The following NOP14 variants were observed in gnomAD, a reference collection of about 807,000 sequenced individuals.
NOP14 encodes NOP14 nucleolar protein.
A neutral mutation model predicts 101.6 loss-of-function variants in NOP14; 57 were observed. That is an observed-to-expected ratio of 0.56 (90% CI 0.45 to 0.70). NOP14 has a LOEUF of 0.70. Among genes scored for constraint, NOP14 ranks in the 30% least tolerant of loss-of-function variants. The pLI, the probability that NOP14 is intolerant of heterozygous loss-of-function variation, is 0.00. For synonymous variants in NOP14, 428 were observed against 424.0 expected (o/e 1.01, Z -0.12); for missense variants, 1,134 against 1,075.5 (o/e 1.05, Z -0.76).
chr4:2,941,645 C>T lies in NOP14; in HGVS notation c.2136G>A (p.Met712Ile). The T allele has an allele frequency of 5.0e-6, 8 of 1,613,536 alleles. No homozygotes were observed. Among genetic ancestry groups the T allele is most frequent in the Non-Finnish European group, 6.8e-6 (8 of 1,179,960 alleles). ...YGSLPSFHAI[M>I]GPLQALLTDH... ...CCGTGAGGAGGGCTTGGAGAGGCCC[C>T]ATGATGGCGTGGAAGGATGGCAGGG... is the stretch of plus-strand genomic sequence containing the variant. The change falls in exon 15 of 18, where the codon ATG becomes ATA. Residue 712 changes from methionine to isoleucine, a missense_variant. Transcript: ENST00000416614.
At chr4:2,950,259 A>T (rs1013726968) in intron 7 of NOP14, 46 bp from the exon 8 acceptor site, 2 of 1,594,824 alleles carry the variant, frequency 1.3e-6, no homozygotes, top group South Asian at 2.2e-5. Context: ...AGGCGGAGAC[A>T]ACGCTGGACC....
In NOP14 at chr4:2,947,590, C is replaced by T. The variant is rs757970431; in HGVS notation, c.1435G>A (p.Glu479Lys). ...TCTGTAGCCAAATCGCCAACGTATT[C>T]CAAAAGAAAGCCAAACAGTTTCTGC... ...KLEKLFGFLL[E>K]YVGDLATDDP... Residue 479 changes from glutamate to lysine, a missense_variant, in exon 10 of 18, where the codon GAA (glutamate) becomes AAA (lysine). Transcript: ENST00000416614. 1 of 1,614,040 alleles carries T rather than the reference C, an allele frequency of 6.2e-7. No homozygotes were observed. The highest frequency in any genetic ancestry group is 8.5e-7 in the Non-Finnish European group (1 of 1,179,942).
rs1027992198 is a variant in NOP14 at position 2,938,622 on chromosome 4, C to T, written c.*209G>A. ...CTCAGCTCAAGCAGTCCTCCTGCTT[C>T]AGCCTCCCGAGTAGTTGGGACTACA... On this transcript the variant is annotated 3_prime_UTR_variant, in exon 18 of 18. Transcript: ENST00000416614. 1.8e-6 allele frequency: 1 copy of T among 563,092 alleles called. No homozygotes were observed. 34.9% of individuals were successfully genotyped at this position (563,092 alleles called of 1,614,324 possible). A position where few individuals can be genotyped will look rare whatever the true frequency, so the allele number is the denominator to read the frequency against.
At chr4:2,954,841 C>T (rs140304772) in intron 3 of NOP14, among the ~76,000 whole-genome samples, 35 of 152,208 alleles carry the variant, frequency 2.3e-4, no homozygotes, top group African/African-American at 7.7e-4. Context: ...TTTGATTGTG[C>T]TGGTTCTAGC....
At chr4:2,955,897 A>G (rs2109311246) in intron 3 of NOP14, among the ~76,000 whole-genome samples, 1 of 152,318 alleles carries the variant, frequency 6.6e-6, no homozygotes, top group East Asian at 1.9e-4. Context: ...TTAGCCAAAT[A>G]TCAGAAGGCA....
rs1715205286 is a variant in NOP14, at chr4:2,954,312, CAT to C, written c.612+110_612+111del. 2.5e-6 allele frequency: 3 copies of C among 1,201,558 alleles called. No individual in the cohort carries two copies. In the African/African-American group the frequency reaches 4.6e-5, roughly 18 times the overall value. 74.4% of individuals were successfully genotyped at this position (1,201,558 alleles called of 1,614,324 possible). A position where few individuals can be genotyped will look rare whatever the true frequency, so the allele number is the denominator to read the frequency against. ...TCACAATAAATGCTTTTACTGAACT[CAT>C]ATAAAATATTAAACACAGCCTAAAA... On this transcript the variant is annotated intron_variant, in intron 4 of 17. Transcript: ENST00000416614.
intron 3 of NOP14, among the ~76,000 whole-genome samples, chr4:2,955,505 A>T (rs1428189137): frequency 2.0e-4 from 25 of 125,858 alleles, no homozygotes; most frequent in Admixed American, 1.5e-3. Flanking sequence ...AGTCACCTGC[A>T]CCACAGCGCC....
In NOP14 at chr4:2,963,106, C is replaced by T. The variant is rs754164699; in HGVS notation, c.195+19G>A. On this transcript the variant is annotated intron_variant, in intron 1 of 17. Transcript: ENST00000416614. ...GGTCCAGATCCTGCCTTCCGGCTCC[C>T]CGTGCGCCCCCCGCTTACCTTCCTG... The T allele has an allele frequency of 3.9e-6, 6 of 1,524,312 alleles. No homozygotes were observed. The highest frequency in any genetic ancestry group is 2.6e-5 in the East Asian group (1 of 38,364). The allele number at this position is 1,524,312 out of a possible 1,614,324, so 94.4% of individuals were successfully genotyped here.
intron 15 of NOP14, chr4:2,941,168 T>C: frequency 5.8e-6 from 1 of 173,698 alleles, no homozygotes; most frequent in Non-Finnish European, 1.2e-5. Context: ...AGACTTGTTC[T>C]TGGGTCCAGC....
rs1453739873 is a variant in NOP14 at position 2,956,831 on chromosome 4, G to C, written c.331-20C>G. 2.6e-6 allele frequency: 4 copies of C among 1,562,120 alleles called. No individual in the cohort carries two copies. The African/African-American group carries it at 5.5e-5, about 22-fold the overall frequency. On this transcript the variant is annotated intron_variant, in intron 2 of 17. Transcript: ENST00000416614. ...ATGTCGCTGACAGAAGAGAAAAAAA[G>C]TTTCCTAAAATTACCACTTCCATTT...
chr4:2,939,425 C>T (rs1409489675), intron 16 of NOP14, 82 bp from the exon 17 acceptor site: 8 of 1,604,432 alleles, frequency 5.0e-6, no homozygotes, highest in Non-Finnish European at 6.8e-6. Flanking sequence ...TGTGGCTTCA[C>T]TCCGTAGTCA....
intron 10 of NOP14, chr4:2,947,139 G>A: frequency 3.6e-6 from 1 of 276,368 alleles, no homozygotes; most frequent in Non-Finnish European, 6.8e-6. Flanking sequence ...TCCCTGGCAT[G>A]CAAAGCCACC....
chr4:2,940,939 GC>G (rs1310234538), intron 15 of NOP14: 1 of 153,314 alleles, frequency 6.5e-6, no homozygotes, highest in Non-Finnish European at 1.5e-5. Flanking sequence ...GGGGGTAGCT[GC>G]GGAGATGGCA....
rs775803890 is a variant in NOP14, at chr4:2,956,705, C to G, written c.437G>C (p.Ser146Thr). The part of the protein sequence containing the change: ...DIEKHNDIVD[S>T]DSDAEDRGTL... ...TCCTCGATCCTCAGCATCGCTGTCA[C>G]TGTCCACAATGTCATTATGCTTCTC... Residue 146 changes from serine to threonine, a missense_variant, in exon 3 of 18, where the codon AGT (serine) becomes ACT (threonine). Physicochemically the swap from Ser to Thr is moderately conservative, Grantham distance 58 (BLOSUM62 1). Transcript: ENST00000416614. 1.9e-6 allele frequency: 3 copies of G among 1,613,302 alleles called. No individual in the cohort carries two copies. Among genetic ancestry groups the G allele is most frequent in the Non-Finnish European group, 2.5e-6 (3 of 1,179,834 alleles).
At chr4:2,953,464 A>G (rs758580767) in intron 5 of NOP14, 47 bp downstream of exon 5, 2 of 1,600,250 alleles carry the variant, frequency 1.2e-6, no homozygotes, top group African/African-American at 2.7e-5. Context: ...AAAGTCGGTC[A>G]CCCAAGCTCA....
At chr4:2,961,038 ATAT>A (rs1194710376) in intron 1 of NOP14, among the ~76,000 whole-genome samples, 6 of 106,890 alleles carry the variant, frequency 5.6e-5, no homozygotes, top group African/African-American at 2.1e-4. Context: ...TATTATATCA[ATAT>A]TATATTAATA....
intron 13 of NOP14, among the ~76,000 whole-genome samples, chr4:2,943,623 C>T (rs906683297): frequency 2.0e-5 from 3 of 152,230 alleles, no homozygotes; most frequent in African/African-American, 4.8e-5. Context: ...CACAGCAGCG[C>T]GGCCTGTGTG....
intron 1 of NOP14, among the ~76,000 whole-genome samples, chr4:2,960,892 T>C (rs1715760413): frequency 1.3e-5 from 1 of 79,970 alleles, no homozygotes; most frequent in South Asian, 3.0e-4. Context: ...TATTATATTA[T>C]TATATCAATA....
chr4:2,959,970 C>A (rs1715616242), intron 1 of NOP14, among the ~76,000 whole-genome samples: 1 of 150,948 alleles, frequency 6.6e-6, no homozygotes, highest in South Asian at 2.1e-4. Context: ...TACACTGAGA[C>A]CTTTTTTTTT....
Sources: allele counts gnomAD v4.1 joint callset (sites outside exome capture counted in the v4.1 genomes callset), GRCh38; gene constraint gnomAD v4.1.1; transcripts MANE v1.5; gene names NCBI Gene and HGNC (gene_info 2026-07-23, HGNC 2026-07-21).